PAK5: variants seen among roughly 807,000 people sequenced by gnomAD.
PAK5 encodes serine/threonine-protein kinase PAK 5.
A neutral mutation model predicts 65.9 loss-of-function variants in PAK5; 16 were observed. The observed-to-expected ratio is 0.24, with a 90% CI of 0.16 to 0.37. The LOEUF (loss-of-function observed/expected upper bound fraction) is 0.37. Ranked by LOEUF, PAK5 falls within the 10% of genes least tolerant of loss-of-function variation. The pLI is 1.00. For synonymous variants in PAK5, 371 were observed against 354.9 expected, an observed-to-expected ratio of 1.05 and a Z score of -0.51; for missense variants, 785 against 903.9, an observed-to-expected ratio of 0.87 and a Z score of 1.69.
At chr20:9,757,995 T>A (rs1016977661) in intron 1 of PAK5, among the ~76,000 whole-genome samples, 2 of 152,206 alleles carry the variant, frequency 1.3e-5, no homozygotes, top group Non-Finnish European at 2.9e-5. Context: ...TTGTTGCTCT[T>A]GGTATATAAA....
chr20:9,807,597 T>C (rs2049248215), intron 1 of PAK5, among the ~76,000 whole-genome samples: 1 of 151,906 alleles, frequency 6.6e-6, no homozygotes, highest in African/African-American at 2.4e-5. Flanking sequence ...TGAAATAAAC[T>C]TACAAGTCAA....
intron 2 of PAK5, among the ~76,000 whole-genome samples, chr20:9,656,059 G>A (rs2047263758): frequency 6.6e-6 from 1 of 152,038 alleles, no homozygotes; most frequent in Non-Finnish European, 1.5e-5. Context: ...CTTGGGAGGT[G>A]GACAGAATTC....
At chr20:9,674,793 C>A (rs557854647) in intron 2 of PAK5, among the ~76,000 whole-genome samples, 24 of 152,322 alleles carry the variant, frequency 1.6e-4, no homozygotes, top group African/African-American at 5.3e-4. Flanking sequence ...ATCAAGGGAA[C>A]TCTGGAGCAT....
chr20:9,720,476 T>G (rs1230992360), intron 1 of PAK5, among the ~76,000 whole-genome samples: 1 of 152,164 alleles, frequency 6.6e-6, no homozygotes, highest in African/African-American at 2.4e-5. Context: ...TAACACACAT[T>G]TATTTTATTT....
chr20:9,824,811 T>C (rs2123778790), intron 1 of PAK5, among the ~76,000 whole-genome samples: 1 of 152,348 alleles, frequency 6.6e-6, no homozygotes, highest in East Asian at 1.9e-4. Flanking sequence ...CTGTTTCCTG[T>C]CTGTCTCTCC....
intron 1 of PAK5, among the ~76,000 whole-genome samples, chr20:9,719,389 C>T (rs1240463694): frequency 1.3e-5 from 2 of 152,136 alleles, no homozygotes; most frequent in African/African-American, 4.8e-5. Context: ...TAATAAAACT[C>T]AGTTTTTGAA....
At chr20:9,805,398 G>T (rs1340171369) in intron 1 of PAK5, among the ~76,000 whole-genome samples, 1 of 151,952 alleles carries the variant, frequency 6.6e-6, no homozygotes, top group East Asian at 1.9e-4. Context: ...GAAAACTTAC[G>T]TTCACACAAA....
chr20:9,716,060 T>A (rs1386189088), intron 1 of PAK5, among the ~76,000 whole-genome samples: 1 of 149,078 alleles, frequency 6.7e-6, no homozygotes, highest in East Asian at 1.9e-4. Context: ...AATATGTACA[T>A]AAAAATCAAA....
At chr20:9,824,080 T>G (rs949270021) in intron 1 of PAK5, among the ~76,000 whole-genome samples, 1 of 152,234 alleles carries the variant, frequency 6.6e-6, no homozygotes. Context: ...AAGAACTTGA[T>G]TACTGCTCAA....
intron 2 of PAK5, among the ~76,000 whole-genome samples, chr20:9,677,312 C>T (rs762998253): frequency 1.3e-5 from 2 of 152,230 alleles, no homozygotes; most frequent in African/African-American, 4.8e-5. Flanking sequence ...ACTCCAGCCT[C>T]GGCATAACGC....
intron 1 of PAK5, among the ~76,000 whole-genome samples, chr20:9,748,757 C>T (rs142410826): frequency 3.1e-4 from 47 of 152,206 alleles, no homozygotes; most frequent in African/African-American, 1.1e-3. Context: ...GGAAATGTTC[C>T]ATAAAAAAAC....
At position 9,688,983 on chromosome 20, in the gene PAK5, A is replaced by C. The variant is rs138482603; in HGVS notation, c.-12+22303T>G. 1.6e-4 allele frequency among the ~76,000 whole-genome samples: 24 copies of C among 152,316 alleles called. No homozygotes were observed. In the East Asian group the frequency reaches 4.4e-3, roughly 28 times the overall value. On this transcript the variant is annotated intron_variant, in intron 2 of 9. Coordinates refer to ENST00000353224, the MANE Select transcript of PAK5 (RefSeq NM_177990.4). Reference sequence around the variant, plus strand: ...CAGTGACATTAATGTGGACTCAGTCATATGATTCTAAATGAGCATCCTGAA... The same window carrying C: ...CAGTGACATTAATGTGGACTCAGTCCTATGATTCTAAATGAGCATCCTGAA...
At position 9,665,459 on chromosome 20, in the gene PAK5, G is replaced by A. The variant is rs141073356; in HGVS notation, c.-11-21120C>T. ...CAAAATTCTTGCCATTAAGATAAGCGGAAATTATGTGTGACTTCTAGCTTT... is the reference window on the plus strand; with the variant it reads ...CAAAATTCTTGCCATTAAGATAAGCAGAAATTATGTGTGACTTCTAGCTTT... On this transcript the variant is annotated intron_variant, in intron 2 of 9. Coordinates refer to ENST00000353224, the MANE Select transcript of PAK5 (RefSeq NM_177990.4). Among the ~76,000 whole-genome samples the A allele has an allele frequency of 6.0e-3, 917 of 151,956 alleles. 8 individuals carry two copies. Among genetic ancestry groups the A allele is most frequent in the African/African-American group, 0.019 (785 of 41,446 alleles).
chr20:9,645,019 T>C (rs2047115377), intron 2 of PAK5, among the ~76,000 whole-genome samples: 1 of 152,188 alleles, frequency 6.6e-6, no homozygotes, highest in South Asian at 2.1e-4. Context: ...GGGTTGATAA[T>C]GATAGTCACC....
intron 1 of PAK5, among the ~76,000 whole-genome samples, chr20:9,835,228 C>A (rs1215024565): frequency 6.6e-6 from 1 of 152,054 alleles, no homozygotes; most frequent in Non-Finnish European, 1.5e-5. Flanking sequence ...AAATAAATGG[C>A]CATTATAGAG....
At chr20:9,764,118 C>T (rs2048730103) in intron 1 of PAK5, among the ~76,000 whole-genome samples, 1 of 152,020 alleles carries the variant, frequency 6.6e-6, no homozygotes, top group Non-Finnish European at 1.5e-5. Flanking sequence ...TTTCATTTTC[C>T]AGGATCTGAA....
intron 4 of PAK5, among the ~76,000 whole-genome samples, chr20:9,566,672 A>T (rs1278860782): frequency 6.6e-6 from 1 of 152,160 alleles, no homozygotes; most frequent in African/African-American, 2.4e-5. Context: ...ATTAAAGGAC[A>T]TTAGTTTTCA....
At chr20:9,767,454 T>C (rs2048781537) in intron 1 of PAK5, among the ~76,000 whole-genome samples, 1 of 152,216 alleles carries the variant, frequency 6.6e-6, no homozygotes, top group Non-Finnish European at 1.5e-5. Context: ...CTTCCTTTGT[T>C]TTAGCACATC....
intron 1 of PAK5, among the ~76,000 whole-genome samples, chr20:9,723,492 T>A (rs1419619858): frequency 6.6e-6 from 1 of 152,178 alleles, no homozygotes; most frequent in East Asian, 1.9e-4. Context: ...CAATTCTTCA[T>A]CTTTCACTGT....
Sources: gnomAD v4.1 joint callset for allele counts (sites outside exome capture counted in the v4.1 genomes callset) on GRCh38, gnomAD v4.1.1 for gene constraint, MANE v1.5 for transcripts, NCBI Gene and HGNC (gene_info 2026-07-23, HGNC 2026-07-21) for gene names.